The following FAT4 variants were observed in gnomAD, a reference collection of about 807,000 sequenced individuals.
The protein encoded by FAT4 is protocadherin Fat 4.
In FAT4, 84 loss-of-function variants were observed where a neutral mutation model predicts 303.9. That is an observed-to-expected ratio of 0.28 (90% CI 0.23 to 0.33). The LOEUF is 0.33. Ranked by LOEUF, FAT4 falls within the 10% of genes least tolerant of loss-of-function variation. FAT4 has a pLI of 1.00. For synonymous variants in FAT4, 2,307 were observed against 2,298.8 expected (o/e 1.00, Z -0.10); for missense variants, 6,005 against 6,146.8 (o/e 0.98, Z 0.77).
chr4:125,322,829 A>G (rs994743401), intron 2 of FAT4, among the ~76,000 whole-genome samples: 1 of 151,964 alleles, frequency 6.6e-6, no homozygotes, highest in Non-Finnish European at 1.5e-5. Flanking sequence ...AAAGGACCAT[A>G]TTAATTAGAG....
Position 125,415,103 on chromosome 4 carries a change from A to G in FAT4, c.6140A>G (p.Asn2047Ser). Residue 2047 changes from asparagine (N) to serine (S), a missense_variant, in exon 6 of 18, where the codon AAC becomes AGC. Asn to Ser is a conservative substitution (Grantham distance 46). Transcript: ENST00000394329. ...ATTATTTTGTTGGATGTAAATGATA[A>G]CCCACCGACATTTCTTTCCCCTAAA... ...VSIILLDVND[N>S]PPTFLSPKLT... 1 of 1,613,962 alleles carries G rather than the reference A, an allele frequency of 6.2e-7. No homozygotes were observed. Among genetic ancestry groups the G allele is most frequent in the Non-Finnish European group, 8.5e-7 (1 of 1,179,894 alleles).
intron 11 of FAT4, among the ~76,000 whole-genome samples, chr4:125,464,657 A>G (rs1389831990): frequency 6.6e-6 from 1 of 152,034 alleles, no homozygotes; most frequent in Non-Finnish European, 1.5e-5. Flanking sequence ...TCCTAATGCT[A>G]TCCCTCCCCC....
At chr4:125,327,221 G>A (rs905354616) in intron 2 of FAT4, among the ~76,000 whole-genome samples, 1 of 152,022 alleles carries the variant, frequency 6.6e-6, no homozygotes, top group Non-Finnish European at 1.5e-5. Context: ...TGAGAGAAGG[G>A]AGCTGAAGGC....
Position 125,446,384 on chromosome 4 carries a change from G to T in FAT4, c.7291G>T (p.Asp2431Tyr), listed in dbSNP as rs1411200888. Residue 2431 changes from aspartate to tyrosine, a missense_variant, in exon 9 of 18, where the codon GAT becomes TAT. By Grantham distance (160) the Asp-to-Tyr change is radical (BLOSUM62 -3). Coordinates refer to ENST00000394329, the MANE Select transcript of FAT4 (RefSeq NM_001291303.3). Reference sequence around the variant, plus strand: ...CGCATTGTTAGATAGGGAAACAAAAGATAATTATACTTTGGTAGTGGTCTG... The same window carrying T: ...CGCATTGTTAGATAGGGAAACAAAATATAATTATACTTTGGTAGTGGTCTG... ...TSALLDRETK[D>Y]NYTLVVVCSD... 2 of 1,613,368 alleles carry T rather than the reference G, an allele frequency of 1.2e-6. No homozygotes were observed. The highest frequency in any genetic ancestry group is 1.7e-6 in the Non-Finnish European group (2 of 1,179,524).
At chr4:125,423,091 A>G (rs2126034299) in intron 7 of FAT4, among the ~76,000 whole-genome samples, 1 of 152,322 alleles carries the variant, frequency 6.6e-6, no homozygotes, top group Middle Eastern at 3.4e-3. Context: ...GATGAAGCAG[A>G]GCATAAAAGT....
chr4:125,445,734 C>A (rs1319916825), intron 8 of FAT4, among the ~76,000 whole-genome samples: 2 of 152,034 alleles, frequency 1.3e-5, no homozygotes, highest in African/African-American at 4.8e-5. Context: ...AGCAACAAAA[C>A]CATATGAGGA....
At chr4:125,386,846 A>G (rs1287451677) in intron 2 of FAT4, among the ~76,000 whole-genome samples, 3 of 152,210 alleles carry the variant, frequency 2.0e-5, no homozygotes, top group African/African-American at 2.4e-5. Flanking sequence ...TATAACTATT[A>G]TAGACCAGTG....
chr4:125,337,194 T>G (rs2125964118), intron 2 of FAT4, among the ~76,000 whole-genome samples: 1 of 152,172 alleles, frequency 6.6e-6, no homozygotes, highest in Non-Finnish European at 1.5e-5. Context: ...CTGATCTATA[T>G]CATAACTAGA....
At chr4:125,359,750 A>C (rs185054388) in intron 2 of FAT4, among the ~76,000 whole-genome samples, 116 of 152,288 alleles carry the variant, frequency 7.6e-4, no homozygotes, top group African/African-American at 2.8e-3. Context: ...AGTGAAAGGT[A>C]ACTATGTGAT....
chr4:125,334,303 A>C (rs2125961026), intron 2 of FAT4, among the ~76,000 whole-genome samples: 1 of 152,144 alleles, frequency 6.6e-6, no homozygotes, highest in African/African-American at 2.4e-5. Context: ...TTGGACCCCG[A>C]TTCTTGCTCT....
Position 125,319,644 on chromosome 4 carries a change from A to T in FAT4, c.3233A>T (p.Glu1078Val). The T allele has an allele frequency of 6.2e-7, 1 of 1,614,048 alleles. No homozygotes were observed. The highest frequency in any genetic ancestry group is 8.5e-7 in the Non-Finnish European group (1 of 1,179,898). The change falls in exon 2 of 18, where the codon GAA becomes GTA. Residue 1078 changes from glutamate to valine, a missense_variant. Physicochemically the swap from Glu to Val is moderately radical, Grantham distance 121. Coordinates refer to ENST00000394329, the MANE Select transcript of FAT4 (RefSeq NM_001291303.3). ...LMVVASDRAV[E>V]PLSATVNVTV... ...GTTGTTGCTTCTGACAGAGCAGTGG[A>T]ACCCCTTAGTGCTACTGTGAATGTT...
intron 2 of FAT4, among the ~76,000 whole-genome samples, chr4:125,338,363 C>T (rs970019370): frequency 3.9e-5 from 6 of 152,110 alleles, no homozygotes; most frequent in Admixed American, 3.3e-4. Flanking sequence ...TAACTAGGAC[C>T]TTGTTCTTAT....
At position 125,377,229 on chromosome 4, in the gene FAT4, T is replaced by C. The variant is rs1733365114; in HGVS notation, c.5176-21555T>C. 3.3e-5 allele frequency among the ~76,000 whole-genome samples: 5 copies of C among 152,146 alleles called. No individual in the cohort carries two copies. The South Asian group carries it at 8.3e-4, about 25-fold the overall frequency. On this transcript the variant is annotated intron_variant, in intron 2 of 17. Transcript: ENST00000394329. The stretch of plus-strand genomic sequence containing the variant: ...TTTTGATCAAAAACTTACTTCATTT[T>C]TTCTCTAGAGGATTTTCAATGAGGA...
intron 10 of FAT4, among the ~76,000 whole-genome samples, chr4:125,453,164 C>T (rs1395738284): frequency 2.0e-5 from 3 of 151,954 alleles, no homozygotes; most frequent in Admixed American, 6.6e-5. Context: ...AATCTCGTAG[C>T]GTCTCTTACA....
At chr4:125,484,858 G>T (rs886998719) in intron 16 of FAT4, among the ~76,000 whole-genome samples, 3 of 151,898 alleles carry the variant, frequency 2.0e-5, no homozygotes, top group African/African-American at 4.8e-5. Context: ...TGGGGGGATG[G>T]GGGACAGCCT....
At chr4:125,400,531 C>T (rs1162693534) in intron 3 of FAT4, among the ~76,000 whole-genome samples, 6 of 151,928 alleles carry the variant, frequency 3.9e-5, no homozygotes, top group Admixed American at 1.3e-4. Flanking sequence ...ATCTGACTTC[C>T]GTGTGTGTGT....
chr4:125,358,107 A>T (rs1269699840), intron 2 of FAT4, among the ~76,000 whole-genome samples: 5 of 152,154 alleles, frequency 3.3e-5, no homozygotes, highest in African/African-American at 9.7e-5. Flanking sequence ...AAATGAAATT[A>T]ACCTTTTTTT....
rs566345927 is a variant in FAT4, at chr4:125,317,500, C to G, written c.1089C>G (p.Arg363=). ...VKFRYFPATS[R]YASVDENAQV... ...TCCGCTACTTCCCGGCCACCTCGCG[C>G]TACGCCTCGGTAGATGAGAATGCTC... Residue 363 remains arginine, a synonymous_variant, in exon 2 of 18, where the codon CGC becomes CGG. Transcript: ENST00000394329. This position sits in a 1 kb window ranked among gnomAD's most constrained non-coding sequence, Gnocchi z 7.0. The G allele has an allele frequency of 1.2e-6, 2 of 1,613,810 alleles. No homozygotes were observed. The highest frequency in any genetic ancestry group is 3.3e-5 in the Admixed American group (2 of 60,034).
rs1730927962 is a variant in FAT4, at chr4:125,321,201, A to T, written c.4790A>T (p.Tyr1597Phe). Residue 1597 changes from tyrosine to phenylalanine, a missense_variant, in exon 2 of 18, where the codon TAC becomes TTC. Tyr to Phe is a conservative substitution (Grantham distance 22). Coordinates refer to ENST00000394329, the MANE Select transcript of FAT4 (RefSeq NM_001291303.3). ...GCGTTGGTGCCTTCACAGTTGATCT[A>T]CAATCTCATAGTTTCAGCAACAGAC... ...ASALVPSQLI[Y>F]NLIVSATDLG... 6.2e-7 allele frequency: 1 copy of T among 1,614,158 alleles called. No homozygotes were observed. The highest frequency in any genetic ancestry group is 1.3e-5 in the African/African-American group (1 of 75,036).
Sources: allele counts gnomAD v4.1 joint callset (sites outside exome capture counted in the v4.1 genomes callset), GRCh38; gene constraint gnomAD v4.1.1; non-coding constraint Gnocchi (gnomAD v3.1); transcripts MANE v1.5; gene names NCBI Gene and HGNC (gene_info 2026-07-23, HGNC 2026-07-21).